The following BRINP1 variants were observed in gnomAD, a reference collection of about 807,000 sequenced individuals.
The protein encoded by BRINP1 is BMP/retinoic acid-inducible neural-specific protein 1.
In BRINP1, 17 loss-of-function variants were observed where a neutral mutation model predicts 72.9. The observed-to-expected ratio is 0.23, with a 90% CI of 0.16 to 0.35. The LOEUF is 0.35. Ranked by LOEUF, BRINP1 falls within the 10% of genes least tolerant of loss-of-function variation. The pLI, the probability that BRINP1 is intolerant of heterozygous loss-of-function variation, is 1.00. For synonymous variants in BRINP1, 418 were observed against 378.5 expected, an observed-to-expected ratio of 1.10 and a Z score of -1.21; for missense variants, 850 against 1,001.6, an observed-to-expected ratio of 0.85 and a Z score of 2.04.
chr9:119,336,264 G>A (rs747512581), intron 1 of BRINP1, among the ~76,000 whole-genome samples: 2 of 152,174 alleles, frequency 1.3e-5, no homozygotes, highest in Non-Finnish European at 2.9e-5. Context: ...TTAATGGCAG[G>A]AAACCAAAAG....
rs1047214086 is a variant in BRINP1 at position 119,366,528 on chromosome 9, G to A, written c.-51+2528C>T. Reference sequence around the variant, plus strand: ...CGTGTGTGTGTGTGTGTGTGTGTGTGTGTGTGTGTGTGTGTGTGTGTGTGT... The same window carrying A: ...CGTGTGTGTGTGTGTGTGTGTGTGTATGTGTGTGTGTGTGTGTGTGTGTGT... On this transcript the variant is annotated intron_variant, in intron 1 of 7. Coordinates refer to ENST00000265922, the MANE Select transcript of BRINP1 (RefSeq NM_014618.3). Among the ~76,000 whole-genome samples the A allele has an allele frequency of 4.4e-4, 66 of 149,276 alleles. 1 individual carries two copies. The South Asian group carries it at 8.5e-3, about 19-fold the overall frequency.
chr9:119,183,669 C>G (rs1162569466), intron 7 of BRINP1, among the ~76,000 whole-genome samples: 1 of 152,162 alleles, frequency 6.6e-6, no homozygotes, highest in Non-Finnish European at 1.5e-5. Flanking sequence ...TTAAAACAAT[C>G]AGAATGATAT....
intron 2 of BRINP1, among the ~76,000 whole-genome samples, chr9:119,276,407 G>A (rs1830658602): frequency 1.3e-5 from 2 of 151,956 alleles, no homozygotes; most frequent in Non-Finnish European, 1.5e-5. Context: ...CTATTTTTGT[G>A]GGTTATGTTT....
intron 1 of BRINP1, among the ~76,000 whole-genome samples, chr9:119,342,961 G>T (rs1199703376): frequency 6.6e-6 from 1 of 152,146 alleles, no homozygotes; most frequent in East Asian, 1.9e-4. Context: ...ATTTCTCTTT[G>T]CCTCAGTTTA....
chr9:119,302,797 G>A (rs1362794995), intron 2 of BRINP1, among the ~76,000 whole-genome samples: 8 of 151,916 alleles, frequency 5.3e-5, no homozygotes, highest in East Asian at 3.9e-4. Context: ...TTGCAAGACC[G>A]GCTCAATGCC....
chr9:119,188,389 C>A (rs1829647668), intron 7 of BRINP1, among the ~76,000 whole-genome samples: 1 of 152,088 alleles, frequency 6.6e-6, no homozygotes, highest in Non-Finnish European at 1.5e-5. Context: ...TTACACCTAG[C>A]ACAGAAATGA....
Position 119,243,926 on chromosome 9 carries a change from T to C in BRINP1, c.410-1710A>G, listed in dbSNP as rs966450085. 1.4e-4 allele frequency among the ~76,000 whole-genome samples: 22 copies of C among 152,306 alleles called. 1 individual carries two copies. The highest frequency in any genetic ancestry group is 5.3e-4 in the African/African-American group (22 of 41,570). On this transcript the variant is annotated intron_variant, in intron 3 of 7. Transcript: ENST00000265922. ...GCAGACCAGAGAAAGAGTGGGCACC[T>C]GCATCCTGTAGATAATGTGGACCAC...
rs559841477 is a variant in BRINP1 at position 119,347,646 on chromosome 9, G to A, written c.-51+21410C>T. On this transcript the variant is annotated intron_variant, in intron 1 of 7. Coordinates refer to ENST00000265922, the MANE Select transcript of BRINP1 (RefSeq NM_014618.3). Reference sequence around the variant, plus strand: ...ATTCCCCACATCTCACTGTCCACCCGCTTCCCAACATCTCTGCCTCTGCTT... The same window carrying A: ...ATTCCCCACATCTCACTGTCCACCCACTTCCCAACATCTCTGCCTCTGCTT... Among the ~76,000 whole-genome samples the A allele has an allele frequency of 3.8e-4, 57 of 151,876 alleles. No individual in the cohort carries two copies. The South Asian group carries it at 0.011, about 30-fold the overall frequency.
At chr9:119,355,539 TA>T (rs1442499805) in intron 1 of BRINP1, among the ~76,000 whole-genome samples, 1 of 151,974 alleles carries the variant, frequency 6.6e-6, no homozygotes, top group Non-Finnish European at 1.5e-5. Flanking sequence ...CCATCCTGGC[TA>T]ACATGGTAAA....
At position 119,296,416 on chromosome 9, in the gene BRINP1, T is replaced by A. The variant is rs567416060; in HGVS notation, c.218+16722A>T. On this transcript the variant is annotated intron_variant, in intron 2 of 7. Coordinates refer to ENST00000265922, the MANE Select transcript of BRINP1 (RefSeq NM_014618.3). ...GTGTTAGCAAGAATGTGGATGGGAA[T>A]GCAAATTTATACAGCCATTTTGGAA... is the stretch of plus-strand genomic sequence containing the variant. 2.6e-5 allele frequency among the ~76,000 whole-genome samples: 4 copies of A among 152,288 alleles called. No homozygotes were observed. The East Asian group carries it at 5.8e-4, about 22-fold the overall frequency.
chr9:119,236,655 C>A (rs1830194142), intron 5 of BRINP1, among the ~76,000 whole-genome samples: 1 of 152,212 alleles, frequency 6.6e-6, no homozygotes, highest in South Asian at 2.1e-4. Flanking sequence ...GGATTCAAAT[C>A]CTGGCTCCCA....
At chr9:119,264,039 C>T (rs1588182764) in intron 2 of BRINP1, among the ~76,000 whole-genome samples, 2 of 152,196 alleles carry the variant, frequency 1.3e-5, no homozygotes, top group Non-Finnish European at 2.9e-5. Flanking sequence ...TACAGAGCCC[C>T]TGGAATCTGG....
At chr9:119,365,386 C>A (rs1831681072) in intron 1 of BRINP1, among the ~76,000 whole-genome samples, 1 of 152,232 alleles carries the variant, frequency 6.6e-6, no homozygotes, top group Non-Finnish European at 1.5e-5. Flanking sequence ...TGACCTCCAT[C>A]TTGTCTTTAA....
intron 5 of BRINP1, among the ~76,000 whole-genome samples, chr9:119,235,000 C>T (rs760871652): frequency 3.9e-5 from 6 of 152,144 alleles, no homozygotes; most frequent in Admixed American, 6.5e-5. Flanking sequence ...GGTCTTTTCA[C>T]TAAATCCTCG....
chr9:119,241,574 G>T lies in BRINP1; in HGVS notation c.579+473C>A, dbSNP rs555207999. On this transcript the variant is annotated intron_variant, in intron 4 of 7. Transcript: ENST00000265922. ...TCTAACTGTATAACCCTCAGAAAAAGGCTTTAAACCTTTAGCCTCAGTTTT... is the reference window on the plus strand; with the variant it reads ...TCTAACTGTATAACCCTCAGAAAAATGCTTTAAACCTTTAGCCTCAGTTTT... 6.6e-5 allele frequency among the ~76,000 whole-genome samples: 10 copies of T among 152,258 alleles called. No individual in the cohort carries two copies. The South Asian group carries it at 1.7e-3, about 25-fold the overall frequency.
intron 2 of BRINP1, among the ~76,000 whole-genome samples, chr9:119,299,906 ACC>A (rs1358511268): frequency 3.3e-5 from 5 of 152,186 alleles, no homozygotes; most frequent in African/African-American, 4.8e-5. Context: ...ATTGGTGATC[ACC>A]AACCTTATCC....
At chr9:119,252,312 G>A (rs1209088819) in intron 2 of BRINP1, among the ~76,000 whole-genome samples, 1 of 152,090 alleles carries the variant, frequency 6.6e-6, no homozygotes, top group South Asian at 2.1e-4. Context: ...GAGACAGGGC[G>A]TCCAGATTCC....
intron 5 of BRINP1, among the ~76,000 whole-genome samples, chr9:119,217,762 T>C (rs1829994124): frequency 6.6e-6 from 1 of 152,210 alleles, no homozygotes; most frequent in Admixed American, 6.5e-5. Context: ...TGTCACATGA[T>C]GGGATATCTC....
chr9:119,173,337 A>G (rs1300200299), intron 7 of BRINP1, among the ~76,000 whole-genome samples: 1 of 146,296 alleles, frequency 6.8e-6, no homozygotes, highest in Non-Finnish European at 1.5e-5. Flanking sequence ...ATACACCAAC[A>G]ACAGACAAAC....
Sources: allele counts gnomAD v4.1 joint callset (sites outside exome capture counted in the v4.1 genomes callset), GRCh38; gene constraint gnomAD v4.1.1; transcripts MANE v1.5; gene names NCBI Gene and HGNC (gene_info 2026-07-23, HGNC 2026-07-21).